CAB39L: variants seen among roughly 807,000 people sequenced by gnomAD.
CAB39L encodes calcium binding protein 39 like.
CAB39L carries 23 observed loss-of-function variants against 39.1 expected under a neutral mutation model. The ratio of observed to expected loss-of-function variants is 0.59; its 90% CI spans 0.42 to 0.83. CAB39L has a LOEUF of 0.83. Among genes scored for constraint, CAB39L ranks in the 40% least tolerant of loss-of-function variants. The pLI is 0.00. For synonymous variants in CAB39L, 126 were observed against 137.2 expected, an observed-to-expected ratio of 0.92 and a Z score of 0.57; for missense variants, 366 against 391.9, an observed-to-expected ratio of 0.93 and a Z score of 0.56.
At chr13:49,421,057 T>C (rs1957164360) in intron 3 of CAB39L, among the ~76,000 whole-genome samples, 1 of 152,168 alleles carries the variant, frequency 6.6e-6, no homozygotes, top group African/African-American at 2.4e-5. Flanking sequence ...GACGACAAAC[T>C]GGCTAGGGAC....
intron 5 of CAB39L, among the ~76,000 whole-genome samples, chr13:49,373,325 A>G (rs1188397922): frequency 6.6e-6 from 1 of 152,286 alleles, no homozygotes; most frequent in Admixed American, 6.5e-5. Context: ...CAGCCTTTCA[A>G]ACTAACAAAA....
intron 10 of CAB39L, among the ~76,000 whole-genome samples, chr13:49,323,968 A>G (rs1262580550): frequency 6.6e-6 from 1 of 152,072 alleles, no homozygotes; most frequent in Non-Finnish European, 1.5e-5. Flanking sequence ...TTATCTGGCA[A>G]TCCTTATCTG....
At chr13:49,350,112 T>C (rs1183352909) in intron 7 of CAB39L, among the ~76,000 whole-genome samples, 4 of 152,204 alleles carry the variant, frequency 2.6e-5, no homozygotes, top group Admixed American at 2.6e-4. Context: ...AAAAAAGTTC[T>C]GGTAGTTGGT....
rs189390391 is a variant in CAB39L, at chr13:49,416,585, T to G, written c.-32+16733A>C. Among the ~76,000 whole-genome samples, 109 of 152,294 alleles carry G rather than the reference T, an allele frequency of 7.2e-4. 1 individual carries two copies. In the East Asian group the frequency reaches 0.017, roughly 23 times the overall value. On this transcript the variant is annotated intron_variant, in intron 3 of 10. Transcript: ENST00000409308. ...CCTGTAGGCACTATGTAACGGAGTA[T>G]CTAGTCATGAAGAAAACTGGCTCTG...
At chr13:49,317,515 G>A (rs972734596) in intron 10 of CAB39L, among the ~76,000 whole-genome samples, 1 of 152,178 alleles carries the variant, frequency 6.6e-6, no homozygotes, top group African/African-American at 2.4e-5. Context: ...GGGCAACAGA[G>A]TGAGATGCTG....
chr13:49,344,103 C>T, intron 8 of CAB39L, 76 bp downstream of exon 8: 1 of 850,640 alleles, frequency 1.2e-6, no homozygotes, highest in Non-Finnish European at 2.0e-6. Context: ...GGATAATTCA[C>T]AGGGGCAATT....
At chr13:49,429,437 T>C (rs1317825788) in intron 3 of CAB39L, among the ~76,000 whole-genome samples, 1 of 152,214 alleles carries the variant, frequency 6.6e-6, no homozygotes, top group African/African-American at 2.4e-5. Flanking sequence ...GTAATTTGCT[T>C]AACCCTCTAT....
chr13:49,391,998 A>G (rs1239558529), intron 3 of CAB39L, among the ~76,000 whole-genome samples: 1 of 151,996 alleles, frequency 6.6e-6, no homozygotes, highest in African/African-American at 2.4e-5. Flanking sequence ...TGCAAGAGCC[A>G]TAATAGAAAC....
intron 10 of CAB39L, among the ~76,000 whole-genome samples, chr13:49,313,459 C>CT: frequency 6.8e-6 from 1 of 146,738 alleles, no homozygotes; most frequent in Non-Finnish European, 1.5e-5. Context: ...CTAGCCTGGG[C>CT]AACAGAGTGA....
chr13:49,385,498 C>A (rs986238380), intron 3 of CAB39L, among the ~76,000 whole-genome samples: 2 of 152,228 alleles, frequency 1.3e-5, no homozygotes, highest in African/African-American at 4.8e-5. Context: ...TTTTCCTTTG[C>A]ATCCACAGCT....
At chr13:49,343,771 C>T (rs1461738979) in intron 8 of CAB39L, among the ~76,000 whole-genome samples, 2 of 152,074 alleles carry the variant, frequency 1.3e-5, no homozygotes, top group African/African-American at 4.8e-5. Flanking sequence ...GATTCACTGT[C>T]AGGGAAGGGA....
intron 3 of CAB39L, among the ~76,000 whole-genome samples, chr13:49,397,761 C>T (rs1956673253): frequency 6.6e-6 from 1 of 152,010 alleles, no homozygotes; most frequent in Non-Finnish European, 1.5e-5. Context: ...TTTACAATCT[C>T]AACTTATAGC....
intron 3 of CAB39L, among the ~76,000 whole-genome samples, chr13:49,426,798 T>C (rs982014287): frequency 3.9e-5 from 6 of 152,328 alleles, no homozygotes; most frequent in African/African-American, 1.4e-4. Context: ...TTGAGTTACT[T>C]TTCTCTCATG....
chr13:49,317,604 C>A (rs952793303), intron 10 of CAB39L, among the ~76,000 whole-genome samples: 2 of 152,068 alleles, frequency 1.3e-5, no homozygotes, highest in Non-Finnish European at 2.9e-5. Flanking sequence ...CGAAGCTGAG[C>A]CCTTATCTTA....
intron 3 of CAB39L, among the ~76,000 whole-genome samples, chr13:49,392,586 A>T (rs1423710912): frequency 6.6e-6 from 1 of 152,156 alleles, no homozygotes; most frequent in Non-Finnish European, 1.5e-5. Context: ...GGTTGCAGTG[A>T]GCCGAGATTG....
chr13:49,345,234 C>T (rs1428261517), intron 7 of CAB39L, among the ~76,000 whole-genome samples: 1 of 152,150 alleles, frequency 6.6e-6, no homozygotes, highest in East Asian at 1.9e-4. Context: ...AGGTACACAA[C>T]ATAACTTCAC....
At chr13:49,313,828 G>A (rs1368732765) in intron 10 of CAB39L, among the ~76,000 whole-genome samples, 1 of 152,102 alleles carries the variant, frequency 6.6e-6, no homozygotes, top group Non-Finnish European at 1.5e-5. Context: ...CAACTCTACA[G>A]GGAACACACT....
intron 3 of CAB39L, among the ~76,000 whole-genome samples, chr13:49,384,019 A>G (rs1169588656): frequency 6.6e-6 from 1 of 152,172 alleles, no homozygotes; most frequent in Non-Finnish European, 1.5e-5. Flanking sequence ...AAGACAATAA[A>G]GTTTGCTACG....
intron 10 of CAB39L, among the ~76,000 whole-genome samples, chr13:49,324,030 G>A (rs931569127): frequency 2.6e-5 from 4 of 152,082 alleles, no homozygotes; most frequent in African/African-American, 9.7e-5. Flanking sequence ...CATACATATT[G>A]GCTGGGTGCG....
Sources: gnomAD v4.1 joint callset for allele counts (sites outside exome capture counted in the v4.1 genomes callset) on GRCh38, gnomAD v4.1.1 for gene constraint, MANE v1.5 for transcripts, NCBI Gene and HGNC (gene_info 2026-07-23, HGNC 2026-07-21) for gene names.